The following RBFOX1 variants were observed in gnomAD, a reference collection of about 807,000 sequenced individuals.
RBFOX1 encodes RNA binding fox-1 homolog 1, also known as RNA binding protein fox-1 homolog 1.
In RBFOX1, 8 loss-of-function variants were observed where a neutral mutation model predicts 57.7. That is an observed-to-expected ratio of 0.14 (90% CI 0.08 to 0.25). The LOEUF (loss-of-function observed/expected upper bound fraction) is 0.25, where lower values mean the gene tolerates loss of function less well. Ranked by LOEUF, RBFOX1 falls within the 10% of genes least tolerant of loss-of-function variation. RBFOX1 has a pLI of 1.00. For synonymous variants in RBFOX1, 326 were observed against 222.4 expected (o/e 1.47, Z -4.15); for missense variants, 611 against 548.5 (o/e 1.11, Z -1.14).
chr16:5,906,251 C>G (rs1295461636), intron 4 of RBFOX1, among the ~76,000 whole-genome samples: 1 of 152,070 alleles, frequency 6.6e-6, no homozygotes, highest in Non-Finnish European at 1.5e-5. Context: ...CTGAGGTCAT[C>G]CGGGAGTAGG....
chr16:6,639,473 C>G (rs930652324), intron 2 of RBFOX1, among the ~76,000 whole-genome samples: 1 of 151,626 alleles, frequency 6.6e-6, no homozygotes. Context: ...TAGTAATGAC[C>G]CGGAGGAATT....
rs113187473 is a variant in RBFOX1 at position 6,116,399 on chromosome 16, C to T, written c.-127+96407C>T. ...AACCTGCACATTCTGCACATGTATC[C>T]CATAACTTAAAGTATAATAATAATT... On this transcript the variant is annotated intron_variant, in intron 1 of 15. Coordinates refer to ENST00000550418, the MANE Select transcript of RBFOX1 (RefSeq NM_018723.4). Among the ~76,000 whole-genome samples, 67 of 152,088 alleles carry T rather than the reference C, an allele frequency of 4.4e-4. 1 individual carries two copies. Among genetic ancestry groups the T allele is most frequent in the Non-Finnish European group, 1.3e-4 (9 of 68,026 alleles).
intron 2 of RBFOX1, among the ~76,000 whole-genome samples, chr16:5,560,592 T>G (rs2045856338): frequency 6.6e-6 from 1 of 152,234 alleles, no homozygotes; most frequent in Non-Finnish European, 1.5e-5. Flanking sequence ...GTGGTGCCTA[T>G]TTTTGGTGGG....
At chr16:5,838,102 G>C (rs1209886652) in intron 3 of RBFOX1, 2 of 153,302 alleles carry the variant, frequency 1.3e-5, no homozygotes, top group African/African-American at 4.8e-5. Flanking sequence ...GATGATGCAA[G>C]GTTAATTTTG....
intron 1 of RBFOX1, among the ~76,000 whole-genome samples, chr16:6,163,615 G>T (rs2096895080): frequency 6.6e-6 from 1 of 152,024 alleles, no homozygotes; most frequent in Non-Finnish European, 1.5e-5. Flanking sequence ...GAAGTCTCTT[G>T]GTGTCTTAGC....
chr16:6,292,519 T>A (rs1171688077), intron 1 of RBFOX1, among the ~76,000 whole-genome samples: 1 of 152,122 alleles, frequency 6.6e-6, no homozygotes, highest in Non-Finnish European at 1.5e-5. Context: ...TTAATATCCA[T>A]CTTCTTATTG....
intron 3 of RBFOX1, among the ~76,000 whole-genome samples, chr16:6,979,094 A>T (rs1393650943): frequency 1.3e-5 from 2 of 152,228 alleles, no homozygotes; most frequent in Non-Finnish European, 2.9e-5. Flanking sequence ...AATATGTTCA[A>T]CATGATGATT....
intron 1 of RBFOX1, among the ~76,000 whole-genome samples, chr16:6,107,465 C>T (rs375768362): frequency 9.9e-5 from 15 of 152,006 alleles, no homozygotes; most frequent in Non-Finnish European, 1.3e-4. Flanking sequence ...GCGGAGATGT[C>T]GGATGATAAA....
intron 3 of RBFOX1, among the ~76,000 whole-genome samples, chr16:6,834,321 C>A (rs112203428): frequency 0.021 from 3,175 of 152,140 alleles, 106 homozygotes; most frequent in African/African-American, 0.072. Flanking sequence ...AGTGATCCAC[C>A]CACCTCGGCC....
intron 5 of RBFOX1, among the ~76,000 whole-genome samples, chr16:7,567,407 CTATATATATATCCCTATGTATGGCCCTA>C (rs2092064381): frequency 1.4e-5 from 1 of 69,108 alleles, no homozygotes; most frequent in Admixed American, 1.5e-4. Flanking sequence ...ATATATATCC[CTATATATATATCCCTATGTATGGCCCTA>C]TATATATATA....
chr16:5,934,069 A>G (rs2152253119), intron 4 of RBFOX1, among the ~76,000 whole-genome samples: 1 of 152,178 alleles, frequency 6.6e-6, no homozygotes, highest in East Asian at 1.9e-4. Context: ...GCATTAGTTC[A>G]CTAAGGATAA....
intron 3 of RBFOX1, among the ~76,000 whole-genome samples, chr16:5,707,510 A>G (rs2051296492): frequency 6.6e-6 from 1 of 152,164 alleles, no homozygotes; most frequent in Non-Finnish European, 1.5e-5. Context: ...GCTAACACCT[A>G]TGTCTGCCAT....
intron 4 of RBFOX1, among the ~76,000 whole-genome samples, chr16:7,091,249 A>T (rs1478707): frequency 6.7e-6 from 1 of 149,122 alleles, no homozygotes; most frequent in African/African-American, 2.5e-5. Flanking sequence ...AAATACTGCA[A>T]TTTTTAATTT....
intron 14 of RBFOX1, among the ~76,000 whole-genome samples, chr16:7,687,949 T>A (rs1479416233): frequency 6.6e-6 from 1 of 152,020 alleles, no homozygotes; most frequent in East Asian, 1.9e-4. Flanking sequence ...CTCTCAAAGA[T>A]GCTCAAGTTA....
At chr16:6,035,640 C>G (rs1376217273) in intron 1 of RBFOX1, among the ~76,000 whole-genome samples, 1 of 152,208 alleles carries the variant, frequency 6.6e-6, no homozygotes, top group African/African-American at 2.4e-5. Flanking sequence ...CATCAGCCCT[C>G]CCAGCTCCCT....
chr16:7,095,047 A>T (rs1477812044), intron 4 of RBFOX1, among the ~76,000 whole-genome samples: 1 of 152,060 alleles, frequency 6.6e-6, no homozygotes, highest in Non-Finnish European at 1.5e-5. Context: ...GTTATTTGCA[A>T]ATCTGTCTAT....
intron 3 of RBFOX1, among the ~76,000 whole-genome samples, chr16:5,687,154 A>C (rs1175060127): frequency 6.6e-6 from 1 of 152,212 alleles, no homozygotes; most frequent in African/African-American, 2.4e-5. Context: ...AAATGGACTA[A>C]TAAACCCTCA....
At chr16:5,494,928 G>C (rs1274313681) in intron 2 of RBFOX1, among the ~76,000 whole-genome samples, 1 of 152,164 alleles carries the variant, frequency 6.6e-6, no homozygotes, top group Non-Finnish European at 1.5e-5. Flanking sequence ...TTTGGCTCCT[G>C]TAAGTGAAGT....
intron 2 of RBFOX1, among the ~76,000 whole-genome samples, chr16:5,476,233 T>C (rs1362377659): frequency 6.6e-6 from 1 of 152,136 alleles, no homozygotes; most frequent in Non-Finnish European, 1.5e-5. Flanking sequence ...TGTACACATA[T>C]CGCAAAACAT....
Sources: gnomAD v4.1 joint callset for allele counts (sites outside exome capture counted in the v4.1 genomes callset) on GRCh38, gnomAD v4.1.1 for gene constraint, MANE v1.5 for transcripts, NCBI Gene and HGNC (gene_info 2026-07-23, HGNC 2026-07-21) for gene names.